The following TEAD1 variants were observed in gnomAD, a reference collection of about 807,000 sequenced individuals.
TEAD1 encodes the protein transcriptional enhancer factor TEF-1.
A neutral mutation model predicts 54.9 loss-of-function variants in TEAD1; 9 were observed. The ratio of observed to expected loss-of-function variants is 0.16; its 90% CI spans 0.10 to 0.29. The LOEUF (loss-of-function observed/expected upper bound fraction) is 0.29. Ranked by LOEUF, TEAD1 falls within the 10% of genes least tolerant of loss-of-function variation. The pLI is 1.00. For missense variants in TEAD1, 387 were observed against 535.9 expected (o/e 0.72, Z 2.74); for synonymous variants, 200 against 187.8 (o/e 1.07, Z -0.53).
In TEAD1 at chr11:12,908,779, A is replaced by G. The variant is rs139603945; in HGVS notation, c.873+6666A>G. ...TCATGAATATAACCTAATGTGATAC[A>G]TATTTATGTAGTTTTGATCAAGGAA... On this transcript the variant is annotated intron_variant, in intron 10 of 12. Transcript: ENST00000527636. Among the ~76,000 whole-genome samples the G allele has an allele frequency of 2.8e-3, 421 of 152,236 alleles. 4 individuals carry two copies. Among genetic ancestry groups the G allele is most frequent in the African/African-American group, 9.5e-3 (393 of 41,504 alleles).
chr11:12,927,430 G>A (rs1234838110), intron 11 of TEAD1, among the ~76,000 whole-genome samples: 1 of 152,178 alleles, frequency 6.6e-6, no homozygotes, highest in Non-Finnish European at 1.5e-5. Context: ...CCAGTACCAT[G>A]TGGATTTGAT....
intron 3 of TEAD1, among the ~76,000 whole-genome samples, chr11:12,769,536 A>G (rs1165270108): frequency 2.0e-5 from 3 of 152,078 alleles, no homozygotes; most frequent in Non-Finnish European, 2.9e-5. Flanking sequence ...CTTTTATAAG[A>G]TAGTATGTTC....
intron 3 of TEAD1, among the ~76,000 whole-genome samples, chr11:12,812,065 C>T (rs771817066): frequency 2.0e-5 from 3 of 152,090 alleles, no homozygotes; most frequent in East Asian, 3.9e-4. Flanking sequence ...TTGGATGGAT[C>T]GTCTCACACA....
rs142475780 is a variant in TEAD1, at chr11:12,690,792, G to C, written c.-55+15231G>C. Among the ~76,000 whole-genome samples the C allele has an allele frequency of 4.5e-3, 681 of 152,290 alleles. 2 individuals are homozygous for C. Among genetic ancestry groups the C allele is most frequent in the African/African-American group, 0.016 (651 of 41,564 alleles). The stretch of plus-strand genomic sequence containing the variant: ...TTTTTGGAGACAGGTCTCACTCACT[G>C]TGTCACCCAAGCTAGAGTGCAGTGA... On this transcript the variant is annotated intron_variant, in intron 2 of 12. Transcript: ENST00000527636.
chr11:12,838,216 G>T (rs1385464759), intron 3 of TEAD1, among the ~76,000 whole-genome samples: 1 of 152,194 alleles, frequency 6.6e-6, no homozygotes, highest in East Asian at 1.9e-4. Flanking sequence ...TGTGAAACTT[G>T]TAATACACTC....
chr11:12,764,906 C>T (rs935332432), intron 3 of TEAD1, among the ~76,000 whole-genome samples: 3 of 149,916 alleles, frequency 2.0e-5, no homozygotes, highest in African/African-American at 7.4e-5. Flanking sequence ...ATGAAATCTA[C>T]TCTTTTTAAA....
chr11:12,717,740 G>A (rs1306163510), intron 2 of TEAD1, among the ~76,000 whole-genome samples: 1 of 152,190 alleles, frequency 6.6e-6, no homozygotes, highest in East Asian at 1.9e-4. Context: ...GCCCCTGGCA[G>A]GTTTGAATTC....
At chr11:12,930,474 A>T in intron 12 of TEAD1, 148 bp downstream of exon 12, 2 of 895,726 alleles carry the variant, frequency 2.2e-6, no homozygotes, top group South Asian at 2.8e-5. Flanking sequence ...TCAGCAGTTG[A>T]ATTTGCATCA....
At chr11:12,796,450 G>A (rs1366989424) in intron 3 of TEAD1, among the ~76,000 whole-genome samples, 1 of 152,212 alleles carries the variant, frequency 6.6e-6, no homozygotes, top group Non-Finnish European at 1.5e-5. Flanking sequence ...CTTAGGCTAC[G>A]TGGGATGGCT....
intron 3 of TEAD1, among the ~76,000 whole-genome samples, chr11:12,782,197 A>G (rs1945570238): frequency 6.6e-6 from 1 of 152,182 alleles, no homozygotes; most frequent in Non-Finnish European, 1.5e-5. Context: ...GAAAGTGGAA[A>G]CAACCCAAAT....
At chr11:12,789,528 C>G (rs1262527463) in intron 3 of TEAD1, among the ~76,000 whole-genome samples, 3 of 152,176 alleles carry the variant, frequency 2.0e-5, no homozygotes, top group Non-Finnish European at 2.9e-5. Context: ...CTTTTGAATA[C>G]CTTGAGAGAG....
intron 2 of TEAD1, among the ~76,000 whole-genome samples, chr11:12,735,541 C>G (rs1386884638): frequency 1.3e-5 from 2 of 151,396 alleles, no homozygotes; most frequent in Non-Finnish European, 2.9e-5. Context: ...GCCCGCCCTC[C>G]TTGTCGCCTT....
chr11:12,839,400 G>A (rs1267504284), intron 3 of TEAD1, among the ~76,000 whole-genome samples: 2 of 152,084 alleles, frequency 1.3e-5, no homozygotes, highest in African/African-American at 4.8e-5. Context: ...GACAGAGTGA[G>A]ATTCTGTCTC....
At chr11:12,719,974 TTTTTTTTTTTTTTTTTTTTTGG>T (rs1944155384) in intron 2 of TEAD1, among the ~76,000 whole-genome samples, 1 of 67,404 alleles carries the variant, frequency 1.5e-5, no homozygotes, top group Non-Finnish European at 2.5e-5. Flanking sequence ...TTTTTTTTTT[TTTTTTTTTTTTTTTTTTTTTGG>T]GGGGGGACCC....
intron 5 of TEAD1, among the ~76,000 whole-genome samples, chr11:12,869,014 A>G (rs1334111249): frequency 1.3e-5 from 2 of 152,136 alleles, no homozygotes; most frequent in African/African-American, 2.4e-5. Context: ...GAAGGCAGAG[A>G]ATTTCCATAA....
chr11:12,796,449 C>T (rs1284556387), intron 3 of TEAD1, among the ~76,000 whole-genome samples: 7 of 152,102 alleles, frequency 4.6e-5, no homozygotes, highest in South Asian at 2.1e-4. Context: ...TCTTAGGCTA[C>T]GTGGGATGGC....
chr11:12,753,458 C>T (rs1467446890), intron 2 of TEAD1, among the ~76,000 whole-genome samples: 1 of 152,188 alleles, frequency 6.6e-6, no homozygotes, highest in Non-Finnish European at 1.5e-5. Context: ...TGTAGCTCTT[C>T]TAGTGGCTGG....
At chr11:12,836,282 T>C (rs918304153) in intron 3 of TEAD1, among the ~76,000 whole-genome samples, 3 of 151,892 alleles carry the variant, frequency 2.0e-5, no homozygotes, top group Admixed American at 6.6e-5. Context: ...TAGCCGGGCG[T>C]GGTGGCGGGC....
intron 4 of TEAD1, chr11:12,864,630 T>C: frequency 8.4e-7 from 1 of 1,194,702 alleles, no homozygotes; most frequent in Non-Finnish European, 1.1e-6. Context: ...TTGTTTTGTT[T>C]TGTTTTGTTT....
Sources: gnomAD v4.1 joint callset for allele counts (sites outside exome capture counted in the v4.1 genomes callset) on GRCh38, gnomAD v4.1.1 for gene constraint, MANE v1.5 for transcripts, NCBI Gene and HGNC (gene_info 2026-07-23, HGNC 2026-07-21) for gene names.